SPATA9: variants seen among roughly 807,000 people sequenced by gnomAD.
The protein encoded by SPATA9 is spermatogenesis-associated protein 9.
In SPATA9, 27 loss-of-function variants were observed where a neutral mutation model predicts 25.5. The ratio of observed to expected loss-of-function variants is 1.06; its 90% CI spans 0.78 to 1.46. The LOEUF (loss-of-function observed/expected upper bound fraction) is 1.46. Among genes scored for constraint, SPATA9 ranks in the 40% most tolerant of loss-of-function variants. SPATA9 has a pLI of 0.00. For synonymous variants in SPATA9, 102 were observed against 105.7 expected, an observed-to-expected ratio of 0.97 and a Z score of 0.21; for missense variants, 282 against 297.5, an observed-to-expected ratio of 0.95 and a Z score of 0.38.
the SPATA9 span, among the ~76,000 whole-genome samples, chr5:95,707,830 T>C: frequency 6.6e-6 from 1 of 151,938 alleles, no homozygotes; most frequent in Non-Finnish European, 1.5e-5. Context: ...GCTAGGTGAT[T>C]AAAGGAAAAG....
intron 3 of SPATA9, among the ~76,000 whole-genome samples, chr5:95,664,968 GA>G (rs2112574184): frequency 6.6e-6 from 1 of 152,214 alleles, no homozygotes; most frequent in African/African-American, 2.4e-5. Context: ...TTATAACATT[GA>G]AAAAACTAAA....
At chr5:95,684,323 C>A (rs1753673201), upstream of SPATA9, among the ~76,000 whole-genome samples, 1 of 152,166 alleles carries the variant, frequency 6.6e-6, no homozygotes, top group African/African-American at 2.4e-5. Context: ...GAACACCTGG[C>A]AGATCCTTCT....
chr5:95,674,080 C>T (rs1441149339), intron 3 of SPATA9, among the ~76,000 whole-genome samples: 2 of 152,156 alleles, frequency 1.3e-5, no homozygotes, highest in Non-Finnish European at 2.9e-5. Flanking sequence ...GCTTGTAGTT[C>T]ATAAAGAATC....
the SPATA9 span, chr5:95,717,386 GATATGTGTGTGT>G: frequency 6.6e-6 from 1 of 152,030 alleles, no homozygotes. Context: ...TCAATATATA[GATATGTGTGTGT>G]ATATGTGTGC....
chr5:95,715,296 C>A, the SPATA9 span, among the ~76,000 whole-genome samples: 5 of 150,772 alleles, frequency 3.3e-5, no homozygotes, highest in African/African-American at 1.2e-4. Flanking sequence ...TGCACTCCAG[C>A]CTGGGGACAG....
At chr5:95,668,075 A>G (rs1373384081) in intron 3 of SPATA9, among the ~76,000 whole-genome samples, 1 of 151,920 alleles carries the variant, frequency 6.6e-6, no homozygotes, top group Non-Finnish European at 1.5e-5. Context: ...AGCCAATTAA[A>G]CCTCTTTTCT....
Position 95,658,562 on chromosome 5 carries a change from T to C in SPATA9, c.*61A>G. 2.0e-6 allele frequency: 3 copies of C among 1,521,600 alleles called. No individual in the cohort carries two copies. The highest frequency in any genetic ancestry group is 2.6e-6 in the Non-Finnish European group (3 of 1,138,586). The allele number at this position is 1,521,600 out of a possible 1,614,324, so 94.3% of individuals were successfully genotyped here. A position where few individuals can be genotyped will look rare whatever the true frequency, so the allele number is the denominator to read the frequency against. On this transcript the variant is annotated 3_prime_UTR_variant, in exon 5 of 5. Transcript: ENST00000274432. ...AATATGTAAACTAGACTCTGAGTTT[T>C]GTCAGATGAAATGTGCCATTAAATA...
intron 1 of SPATA9, among the ~76,000 whole-genome samples, chr5:95,688,530 G>A (rs1297632481): frequency 6.6e-6 from 1 of 152,136 alleles, no homozygotes; most frequent in East Asian, 1.9e-4. Flanking sequence ...TGGATTACAG[G>A]TATGACCACA....
chr5:95,695,338 C>T (rs1209955266), intron 1 of SPATA9, among the ~76,000 whole-genome samples: 1 of 152,224 alleles, frequency 6.6e-6, no homozygotes, highest in Non-Finnish European at 1.5e-5. Context: ...TGGCTCACGC[C>T]TGTAATCCCA....
intron 3 of SPATA9, among the ~76,000 whole-genome samples, chr5:95,666,498 T>G (rs1168332061): frequency 6.6e-6 from 1 of 152,174 alleles, no homozygotes; most frequent in Admixed American, 6.5e-5. Flanking sequence ...GCTTGTAAAA[T>G]TTTTAGTAAA....
intron 1 of SPATA9, among the ~76,000 whole-genome samples, chr5:95,692,517 G>T (rs192018540): frequency 2.0e-5 from 3 of 151,866 alleles, no homozygotes; most frequent in Non-Finnish European, 4.4e-5. Flanking sequence ...TTCTAATCTT[G>T]TATATTTTTT....
chr5:95,698,874 A>T (rs1754107528), upstream of SPATA9, among the ~76,000 whole-genome samples: 3 of 152,216 alleles, frequency 2.0e-5, no homozygotes, highest in Admixed American at 2.0e-4. Flanking sequence ...TTATTACAGC[A>T]AACTCAACTC....
downstream of SPATA9, chr5:95,657,904 G>A (rs1434381594): frequency 6.6e-6 from 1 of 151,524 alleles, no homozygotes; most frequent in Non-Finnish European, 1.5e-5. Flanking sequence ...AATATAAAGT[G>A]TACAGAAGAA....
At chr5:95,673,235 G>T (rs550690966) in intron 3 of SPATA9, among the ~76,000 whole-genome samples, 1 of 152,290 alleles carries the variant, frequency 6.6e-6, no homozygotes, top group South Asian at 2.1e-4. Context: ...CGTACTGTGT[G>T]CACAGGCAAC....
intron 3 of SPATA9, chr5:95,670,216 A>C (rs1232023647): frequency 1.3e-5 from 2 of 152,228 alleles, no homozygotes; most frequent in Non-Finnish European, 2.9e-5. Context: ...GCCAGTGTCC[A>C]TTCTTCACCT....
intron 2 of SPATA9, among the ~76,000 whole-genome samples, chr5:95,679,985 C>G (rs79123515): frequency 6.6e-6 from 1 of 152,258 alleles, no homozygotes; most frequent in Non-Finnish European, 1.5e-5. Flanking sequence ...GCAACCTCCG[C>G]CTACCAGGTT....
intron 2 of SPATA9, among the ~76,000 whole-genome samples, chr5:95,680,594 C>G (rs916002153): frequency 6.6e-6 from 1 of 152,150 alleles, no homozygotes; most frequent in African/African-American, 2.4e-5. Context: ...GGGTTCTATC[C>G]TATGCCCTAA....
At chr5:95,688,449 G>A (rs1753801525) in intron 1 of SPATA9, among the ~76,000 whole-genome samples, 1 of 152,058 alleles carries the variant, frequency 6.6e-6, no homozygotes, top group Non-Finnish European at 1.5e-5. Flanking sequence ...ATGGGGTCTG[G>A]CTATGTTGCC....
At chr5:95,705,591 A>C in the SPATA9 span, among the ~76,000 whole-genome samples, 11 of 152,124 alleles carry the variant, frequency 7.2e-5, no homozygotes, top group Admixed American at 6.5e-4. Context: ...TATGAAGTAC[A>C]CTCCTCTAAT....
Sources: gnomAD v4.1 joint callset for allele counts (sites outside exome capture counted in the v4.1 genomes callset) on GRCh38, gnomAD v4.1.1 for gene constraint, MANE v1.5 for transcripts, NCBI Gene and HGNC (gene_info 2026-07-23, HGNC 2026-07-21) for gene names.